Variants in DEPTOR observed in about 807,000 individuals in gnomAD.
DEPTOR encodes DEP domain-containing mTOR-interacting protein.
DEPTOR carries 41 observed loss-of-function variants against 41.6 expected under a neutral mutation model. The observed-to-expected ratio is 0.98, with a 90% confidence interval of 0.77 to 1.28. The LOEUF (loss-of-function observed/expected upper bound fraction) is 1.28, where lower values mean the gene tolerates loss of function less well. DEPTOR is among the 50% of genes most tolerant of loss of function. DEPTOR has a pLI of 0.00. For missense variants in DEPTOR, 514 were observed against 527.9 expected (o/e 0.97, Z 0.26); for synonymous variants, 195 against 192.3 (o/e 1.01, Z -0.12).
rs1828544210 is a variant in DEPTOR at position 119,965,322 on chromosome 8, C to T, written c.516C>T (p.Asp172=). Residue 172 remains aspartate, a synonymous_variant, in exon 4 of 9, where the codon GAC becomes GAT. Transcript: ENST00000286234. ...CCTTCATGGCATCTGAATTCCTGGA[C>T]TGGCTGGTTCAGGAAGGTGAGGCCA... The part of the protein sequence containing the change: ...ERTFMASEFL[D]WLVQEGEATT... 1.2e-6 allele frequency: 2 copies of T among 1,614,118 alleles called. No individual in the cohort carries two copies. Among genetic ancestry groups the T allele is most frequent in the African/African-American group, 2.7e-5 (2 of 75,024 alleles).
At chr8:119,935,491 CG>C (rs1178232144) in intron 3 of DEPTOR, among the ~76,000 whole-genome samples, 1 of 152,156 alleles carries the variant, frequency 6.6e-6, no homozygotes, top group East Asian at 1.9e-4. Flanking sequence ...GAGGCCGAGG[CG>C]GGCAGATCCC....
chr8:119,988,305 C>T (rs891188861), intron 4 of DEPTOR, among the ~76,000 whole-genome samples: 4 of 152,116 alleles, frequency 2.6e-5, no homozygotes, highest in Non-Finnish European at 4.4e-5. Context: ...GAGGCAATGT[C>T]CCACTCTGCT....
intron 1 of DEPTOR, among the ~76,000 whole-genome samples, chr8:119,906,953 T>C (rs1827671377): frequency 6.6e-6 from 1 of 152,208 alleles, no homozygotes; most frequent in Non-Finnish European, 1.5e-5. Context: ...AGGGATATTG[T>C]GACTCTCTTG....
At chr8:119,972,893 G>A (rs1313952549) in intron 4 of DEPTOR, among the ~76,000 whole-genome samples, 1 of 152,008 alleles carries the variant, frequency 6.6e-6, no homozygotes, top group Non-Finnish European at 1.5e-5. Context: ...CAATGACCAG[G>A]GACCTTGAGA....
At chr8:119,884,693 A>T (rs957767553) in intron 1 of DEPTOR, among the ~76,000 whole-genome samples, 2 of 151,912 alleles carry the variant, frequency 1.3e-5, no homozygotes, top group Non-Finnish European at 2.9e-5. Flanking sequence ...CCAAACACAT[A>T]TAATGAGTGT....
chr8:119,905,470 C>T (rs2129765347), intron 1 of DEPTOR, among the ~76,000 whole-genome samples: 1 of 152,124 alleles, frequency 6.6e-6, no homozygotes, highest in Non-Finnish European at 1.5e-5. Flanking sequence ...GAGACAAGAG[C>T]AGGTGGAAAG....
rs533564581 is a variant in DEPTOR, at chr8:119,915,939, A to G, written c.123-12461A>G. On this transcript the variant is annotated intron_variant, in intron 1 of 8. Transcript: ENST00000286234. ...CAATTTTTCCTTGATTCAGGACTTC[A>G]TTTGTTAAAAAAAAAAAAAAAAAAA... is the stretch of plus-strand genomic sequence containing the variant. 3.2e-4 allele frequency among the ~76,000 whole-genome samples: 35 copies of G among 108,782 alleles called. No individual in the cohort carries two copies. In the East Asian group the frequency reaches 0.013, roughly 41 times the overall value. 71.4% of individuals were successfully genotyped at this position (108,782 alleles called of 152,430 possible). A position where few individuals can be genotyped will look rare whatever the true frequency, so the allele number is the denominator to read the frequency against.
At chr8:119,894,687 C>T (rs528176874) in intron 1 of DEPTOR, among the ~76,000 whole-genome samples, 8 of 152,254 alleles carry the variant, frequency 5.3e-5, no homozygotes, top group South Asian at 2.1e-4. Context: ...TGAGCCAACG[C>T]GCCTGGCCTC....
intron 4 of DEPTOR, among the ~76,000 whole-genome samples, chr8:119,995,938 A>T (rs1812252282): frequency 2.0e-5 from 3 of 152,216 alleles, no homozygotes; most frequent in Admixed American, 2.0e-4. Context: ...CTTTACTCAC[A>T]CACAAAGCAA....
intron 8 of DEPTOR, among the ~76,000 whole-genome samples, chr8:120,015,730 G>T (rs1812598929): frequency 6.6e-6 from 1 of 152,184 alleles, no homozygotes; most frequent in Non-Finnish European, 1.5e-5. Context: ...GCCGAAAGAG[G>T]AGACCCCAGG....
At chr8:119,922,852 T>G (rs1338997272) in intron 1 of DEPTOR, among the ~76,000 whole-genome samples, 1 of 152,138 alleles carries the variant, frequency 6.6e-6, no homozygotes, top group Non-Finnish European at 1.5e-5. Context: ...GTGAAATCTG[T>G]GATAGTCAGA....
At chr8:119,940,774 A>G (rs1209427394) in intron 3 of DEPTOR, among the ~76,000 whole-genome samples, 2 of 152,204 alleles carry the variant, frequency 1.3e-5, no homozygotes, top group Non-Finnish European at 2.9e-5. Flanking sequence ...AAAAAAAAGA[A>G]AAATTATTCT....
chr8:119,960,026 G>A (rs930695319), intron 3 of DEPTOR, among the ~76,000 whole-genome samples: 7 of 151,854 alleles, frequency 4.6e-5, no homozygotes, highest in Non-Finnish European at 1.0e-4. Context: ...TCAGAAGTTC[G>A]AGACCAGCCT....
chr8:119,929,026 T>G (rs1298815441), intron 2 of DEPTOR, among the ~76,000 whole-genome samples: 2 of 152,268 alleles, frequency 1.3e-5, no homozygotes, highest in African/African-American at 4.8e-5. Context: ...ATCAACACAC[T>G]GTGAGCTTCA....
chr8:119,878,409 TC>T (rs1464573831), intron 1 of DEPTOR, among the ~76,000 whole-genome samples: 1 of 151,238 alleles, frequency 6.6e-6, no homozygotes, highest in Non-Finnish European at 1.5e-5. Context: ...AACCTTCGCC[TC>T]CCAGGTTCAA....
chr8:119,880,534 A>G (rs1474194338), intron 1 of DEPTOR, among the ~76,000 whole-genome samples: 1 of 152,244 alleles, frequency 6.6e-6, no homozygotes, highest in African/African-American at 2.4e-5. Context: ...CACTAAAACA[A>G]CTTTAAAACA....
At chr8:119,980,498 C>CTTTTCTTTTCTTTTCTTTTG (rs1828751458) in intron 4 of DEPTOR, among the ~76,000 whole-genome samples, 1 of 128,624 alleles carries the variant, frequency 7.8e-6, no homozygotes, top group Non-Finnish European at 1.6e-5. Flanking sequence ...CTTTTCTTTT[C>CTTTTCTTTTCTTTTCTTTTG]TTTTCTTTTC....
At position 119,973,422 on chromosome 8, in the gene DEPTOR, C is replaced by T. The variant is rs1035760940; in HGVS notation, c.604+8012C>T. ...CTAATTTTTTAATTTTTCATAGAGA[C>T]GGGGGTTGTTGCCAAGTTGCCCAGG... On this transcript the variant is annotated intron_variant, in intron 4 of 8. Transcript: ENST00000286234. Among the ~76,000 whole-genome samples, 16 of 152,074 alleles carry T rather than the reference C, an allele frequency of 1.1e-4. No individual in the cohort carries two copies. In the East Asian group the frequency reaches 1.4e-3, roughly 13 times the overall value.
intron 1 of DEPTOR, among the ~76,000 whole-genome samples, chr8:119,904,342 C>T (rs1254163084): frequency 6.6e-6 from 1 of 152,080 alleles, no homozygotes; most frequent in Admixed American, 6.6e-5. Flanking sequence ...TGGCCTCCAA[C>T]TCCTGACCTA....
Sources: allele counts gnomAD v4.1 joint callset (sites outside exome capture counted in the v4.1 genomes callset), GRCh38; gene constraint gnomAD v4.1.1; transcripts MANE v1.5; gene names NCBI Gene and HGNC (gene_info 2026-07-23, HGNC 2026-07-21).